The following SLC23A2 variants were observed in gnomAD, a reference collection of about 807,000 sequenced individuals.
SLC23A2 encodes the protein solute carrier family 23 member 2.
In SLC23A2, 36 loss-of-function variants were observed where a neutral mutation model predicts 73.3. That is an observed-to-expected ratio of 0.49 (90% CI 0.38 to 0.65). The LOEUF (loss-of-function observed/expected upper bound fraction) is 0.65, where lower values mean the gene tolerates loss of function less well. SLC23A2 is among the 30% of genes least tolerant of loss of function. The pLI is 0.00. For synonymous variants in SLC23A2, 343 were observed against 327.3 expected, an observed-to-expected ratio of 1.05 and a Z score of -0.52; for missense variants, 507 against 841.6, an observed-to-expected ratio of 0.60 and a Z score of 4.92.
At chr20:4,992,503 GTTTTT>G (rs140932210) in intron 1 of SLC23A2, among the ~76,000 whole-genome samples, 2 of 95,746 alleles carry the variant, frequency 2.1e-5, no homozygotes, top group African/African-American at 4.2e-5. Flanking sequence ...AAGATTGACA[GTTTTT>G]TTTTTTTTTT....
At chr20:4,892,937 G>A (rs1931382582) in intron 6 of SLC23A2, among the ~76,000 whole-genome samples, 1 of 152,064 alleles carries the variant, frequency 6.6e-6, no homozygotes, top group South Asian at 2.1e-4. Flanking sequence ...AATACGAACT[G>A]CATATGAGAT....
chr20:4,882,636 A>G (rs1011778133), intron 9 of SLC23A2, among the ~76,000 whole-genome samples: 2 of 152,072 alleles, frequency 1.3e-5, no homozygotes, highest in African/African-American at 4.8e-5. Context: ...GTGGCCACTT[A>G]ATTCACTGTA....
intron 2 of SLC23A2, among the ~76,000 whole-genome samples, chr20:4,951,302 T>C (rs562296858): frequency 2.0e-5 from 3 of 151,574 alleles, no homozygotes; most frequent in South Asian, 4.2e-4. Context: ...GGAAGAACAG[T>C]AGGGAAATGA....
intron 3 of SLC23A2, among the ~76,000 whole-genome samples, chr20:4,929,777 C>T (rs1932765533): frequency 2.6e-5 from 4 of 151,958 alleles, no homozygotes; most frequent in African/African-American, 9.7e-5. Flanking sequence ...ATAAGTAAAC[C>T]GGAAAATACT....
At chr20:4,992,781 A>AT (rs992918210) in intron 1 of SLC23A2, among the ~76,000 whole-genome samples, 19 of 151,716 alleles carry the variant, frequency 1.3e-4, no homozygotes, top group Non-Finnish European at 2.5e-4. Context: ...AAGTGCTGAG[A>AT]TTACAGGCAT....
rs1929750512 is a variant in SLC23A2 at position 4,857,277 on chromosome 20, AACACATACACAC to A, written c.1721-85_1721-74del. 1.7e-6 allele frequency: 1 copy of A among 590,062 alleles called. No individual in the cohort carries two copies. Among genetic ancestry groups the A allele is most frequent in the South Asian group, 1.9e-5 (1 of 52,930 alleles). The allele number at this position is 590,062 out of a possible 1,614,324, so 36.6% of individuals were successfully genotyped here. A position where few individuals can be genotyped will look rare whatever the true frequency, so the allele number is the denominator to read the frequency against. ...TCTACTGAAAATGAAACTGTCGTCA[AACACATACACAC>A]ACACACACACACACACACACACACA... On this transcript the variant is annotated intron_variant, in intron 16 of 16. Transcript: ENST00000338244. The surrounding 1 kb of genome is among the most constrained non-coding windows in gnomAD (Gnocchi z 4.0).
chr20:4,961,240 C>T (rs1267810878), intron 2 of SLC23A2, among the ~76,000 whole-genome samples: 1 of 151,856 alleles, frequency 6.6e-6, no homozygotes, highest in Non-Finnish European at 1.5e-5. Flanking sequence ...TGTCACCATG[C>T]CCAGCTAATT....
Position 4,874,025 on chromosome 20 carries a change from G to T in SLC23A2, c.1013C>A (p.Pro338His). ...FIFTVTDVFP[P>H]DSTKYGFYAR... Reference sequence around the variant, plus strand: ...ATAGAAGCCATACTTTGTGCTGTCGGGAGGGAAGACATCTGTCACCGTGAA... The same window carrying T: ...ATAGAAGCCATACTTTGTGCTGTCGTGAGGGAAGACATCTGTCACCGTGAA... Residue 338 changes from proline (P) to histidine (H), a missense_variant, in exon 11 of 17, where the codon CCC becomes CAC. By Grantham distance (77) the Pro-to-His change is moderately conservative (BLOSUM62 -2). Coordinates refer to ENST00000338244, the MANE Select transcript of SLC23A2 (RefSeq NM_005116.6). 6.2e-7 allele frequency: 1 copy of T among 1,614,156 alleles called. No individual in the cohort carries two copies. Among genetic ancestry groups the T allele is most frequent in the Non-Finnish European group, 8.5e-7 (1 of 1,180,002 alleles).
intron 2 of SLC23A2, among the ~76,000 whole-genome samples, chr20:4,941,740 CG>C (rs1261640741): frequency 6.7e-6 from 1 of 149,990 alleles, no homozygotes; most frequent in Admixed American, 6.6e-5. Context: ...AGGTAGATCT[CG>C]TGTTAAATGT....
At chr20:4,939,367 C>T (rs1035981098) in intron 2 of SLC23A2, among the ~76,000 whole-genome samples, 9 of 152,074 alleles carry the variant, frequency 5.9e-5, no homozygotes, top group African/African-American at 9.7e-5. Context: ...AGGAACAAGT[C>T]GGGGGTGTCA....
chr20:4,874,221 T>A, intron 10 of SLC23A2, 129 bp from the exon 11 acceptor site: 1 of 775,692 alleles, frequency 1.3e-6, no homozygotes, highest in Non-Finnish European at 2.1e-6. Context: ...AGACCTTCCT[T>A]GAATGGACTC....
At chr20:4,977,482 T>C (rs1000890642) in intron 1 of SLC23A2, among the ~76,000 whole-genome samples, 1 of 150,672 alleles carries the variant, frequency 6.6e-6, no homozygotes, top group Non-Finnish European at 1.5e-5. Context: ...AGGTCAGGAG[T>C]TCGAGACCAG....
chr20:4,894,215 CA>C (rs1931437043), intron 6 of SLC23A2, among the ~76,000 whole-genome samples: 2 of 151,944 alleles, frequency 1.3e-5, no homozygotes, highest in South Asian at 4.2e-4. Context: ...GGATCAAGGT[CA>C]AAGGAGAGGA....
rs182784548 is a variant in SLC23A2, at chr20:4,879,086, G to A, written c.825-4390C>T. Among the ~76,000 whole-genome samples the A allele has an allele frequency of 5.9e-5, 9 of 152,242 alleles. No individual in the cohort carries two copies. The East Asian group carries it at 1.2e-3, about 20-fold the overall frequency. ...ATTTGAGTCTTTCATCATTCAAGTA[G>A]GAGGCATGTTTATCTTACGCATAAA... is the stretch of plus-strand genomic sequence containing the variant. On this transcript the variant is annotated intron_variant, in intron 9 of 16. Coordinates refer to ENST00000338244, the MANE Select transcript of SLC23A2 (RefSeq NM_005116.6).
chr20:4,952,569 T>C (rs935001769), intron 2 of SLC23A2, among the ~76,000 whole-genome samples: 5 of 152,110 alleles, frequency 3.3e-5, no homozygotes, highest in East Asian at 1.9e-4. Context: ...GGTTGGAATA[T>C]AGAAGTGGAA....
chr20:4,985,625 C>T (rs1458123973), intron 1 of SLC23A2, among the ~76,000 whole-genome samples: 3 of 151,998 alleles, frequency 2.0e-5, no homozygotes, highest in Non-Finnish European at 4.4e-5. Flanking sequence ...TTTTTGTATT[C>T]TTAGTAGACG....
chr20:4,909,732 T>C (rs1246846589), intron 4 of SLC23A2, among the ~76,000 whole-genome samples: 1 of 152,122 alleles, frequency 6.6e-6, no homozygotes, highest in African/African-American at 2.4e-5. Context: ...TTTTTTTGTA[T>C]TTTTAGTAGA....
Position 4,863,735 on chromosome 20 carries a change from C to T in SLC23A2, c.1357-828G>A, listed in dbSNP as rs905471993. ...TCAGGCTCTTTCCAAGCACACCAGG[C>T]AGGCCTGGGCCTGTCTACCTGGACA... On this transcript the variant is annotated intron_variant, in intron 13 of 16. Coordinates refer to ENST00000338244, the MANE Select transcript of SLC23A2 (RefSeq NM_005116.6). The surrounding 1 kb of genome is among the most constrained non-coding windows in gnomAD (Gnocchi z 4.8). Among the ~76,000 whole-genome samples the T allele has an allele frequency of 6.6e-6, 1 of 152,160 alleles. No homozygotes were observed. Among genetic ancestry groups the T allele is most frequent in the African/African-American group, 2.4e-5 (1 of 41,440 alleles).
At chr20:4,951,764 G>A (rs1455785963) in intron 2 of SLC23A2, among the ~76,000 whole-genome samples, 2 of 152,258 alleles carry the variant, frequency 1.3e-5, no homozygotes, top group East Asian at 3.9e-4. Flanking sequence ...ATTTTAAGAT[G>A]ATGACTATCA....
Sources: allele counts gnomAD v4.1 joint callset (sites outside exome capture counted in the v4.1 genomes callset), GRCh38; gene constraint gnomAD v4.1.1; non-coding constraint Gnocchi (gnomAD v3.1); transcripts MANE v1.5; gene names NCBI Gene and HGNC (gene_info 2026-07-23, HGNC 2026-07-21).